The following KIF13B variants were observed in gnomAD, a reference collection of about 807,000 sequenced individuals.
KIF13B encodes kinesin-like protein KIF13B.
A neutral mutation model predicts 222.0 loss-of-function variants in KIF13B; 127 were observed. The observed-to-expected ratio is 0.57, with a 90% confidence interval of 0.50 to 0.66. The LOEUF (loss-of-function observed/expected upper bound fraction) is 0.66, where lower values mean the gene tolerates loss of function less well. KIF13B is among the 30% of genes least tolerant of loss of function. KIF13B has a pLI of 0.00. For synonymous variants in KIF13B, 976 were observed against 919.0 expected (o/e 1.06, Z -1.12); for missense variants, 2,173 against 2,379.0 (o/e 0.91, Z 1.80).
intron 10 of KIF13B, among the ~76,000 whole-genome samples, chr8:29,168,915 A>G (rs1281690964): frequency 6.6e-6 from 1 of 152,208 alleles, no homozygotes; most frequent in Admixed American, 6.5e-5. Flanking sequence ...ATATATTAGG[A>G]TACCAACCCA....
chr8:29,154,894 TAAA>T (rs1811449826), intron 14 of KIF13B, among the ~76,000 whole-genome samples: 2 of 152,220 alleles, frequency 1.3e-5, no homozygotes, highest in Non-Finnish European at 2.9e-5. Context: ...ACTTTATGGA[TAAA>T]ATCAGTGATA....
chr8:29,187,631 C>T (rs1355986635), intron 5 of KIF13B, among the ~76,000 whole-genome samples: 1 of 152,236 alleles, frequency 6.6e-6, no homozygotes, highest in East Asian at 1.9e-4. Context: ...CATAGTCCTA[C>T]TGCCCGAAAA....
At chr8:29,128,415 C>T (rs1317894746) in intron 24 of KIF13B, among the ~76,000 whole-genome samples, 1 of 152,198 alleles carries the variant, frequency 6.6e-6, no homozygotes, top group Non-Finnish European at 1.5e-5. Context: ...GGAAAATCAG[C>T]TCAGGCAACC....
chr8:29,252,318 A>C (rs1816315253), intron 1 of KIF13B, among the ~76,000 whole-genome samples: 1 of 152,226 alleles, frequency 6.6e-6, no homozygotes, highest in South Asian at 2.1e-4. Context: ...ATCATAGTAA[A>C]ACACGGGCAG....
chr8:29,248,539 G>A (rs1206280360), intron 1 of KIF13B, among the ~76,000 whole-genome samples: 3 of 152,176 alleles, frequency 2.0e-5, no homozygotes, highest in Admixed American at 6.5e-5. Context: ...ACAGCCAAGC[G>A]AACAGGGTTT....
At chr8:29,196,755 G>C (rs551071646) in intron 2 of KIF13B, among the ~76,000 whole-genome samples, 44 of 152,212 alleles carry the variant, frequency 2.9e-4, no homozygotes, top group African/African-American at 9.4e-4. Context: ...TTTGGGTTTC[G>C]TATTTTTTCT....
intron 37 of KIF13B, among the ~76,000 whole-genome samples, chr8:29,077,823 ACTGCACCAGGTC>A (rs1204181278): frequency 6.6e-6 from 1 of 152,170 alleles, no homozygotes; most frequent in Non-Finnish European, 1.5e-5. Flanking sequence ...CTCAACAGAG[ACTGCACCAGGTC>A]CTACCATGCG....
At chr8:29,082,928 C>T (rs1807876418) in intron 37 of KIF13B, among the ~76,000 whole-genome samples, 1 of 152,154 alleles carries the variant, frequency 6.6e-6, no homozygotes, top group Admixed American at 6.5e-5. Context: ...AATTCAAGAC[C>T]AGCCGGTGTG....
At chr8:29,116,430 CT>C (rs1424936033) in intron 31 of KIF13B, among the ~76,000 whole-genome samples, 3 of 152,012 alleles carry the variant, frequency 2.0e-5, no homozygotes, top group Non-Finnish European at 2.9e-5. Context: ...GATCGCATCA[CT>C]GTACTCCAGC....
intron 35 of KIF13B, among the ~76,000 whole-genome samples, chr8:29,105,650 GTTTTTTTTTT>G (rs869030059): frequency 1.4e-4 from 11 of 78,058 alleles, no homozygotes; most frequent in African/African-American, 5.6e-5. Flanking sequence ...AGTTTGTTTG[GTTTTTTTTTT>G]TTTTTTTTTT....
At chr8:29,160,237 T>C (rs1016431521) in intron 13 of KIF13B, among the ~76,000 whole-genome samples, 2 of 152,252 alleles carry the variant, frequency 1.3e-5, no homozygotes, top group African/African-American at 4.8e-5. Flanking sequence ...AAATAACCTA[T>C]ACTCTCTCTC....
chr8:29,244,642 C>T (rs972862530), intron 2 of KIF13B, among the ~76,000 whole-genome samples: 3 of 152,206 alleles, frequency 2.0e-5, no homozygotes, highest in Non-Finnish European at 4.4e-5. Flanking sequence ...TCCTCATCTG[C>T]TTTCCAGGTC....
At position 29,147,496 on chromosome 8, in the gene KIF13B, G is replaced by A; in HGVS notation, c.1920C>T (p.Leu640=). Residue 640 remains leucine, a synonymous_variant, in exon 17 of 40, where the codon CTC becomes CTT. Transcript: ENST00000524189. ...RLMYEHELEQ[L]RRRLSPEKQN... ...GCTTCTCAGGAGACAGCCTTCTCCG[G>A]AGCTGCTCCAATTCGTGCTCATACA... The A allele has an allele frequency of 6.2e-7, 1 of 1,613,650 alleles. No individual in the cohort carries two copies. Among genetic ancestry groups the A allele is most frequent in the Non-Finnish European group, 8.5e-7 (1 of 1,179,792 alleles).
intron 13 of KIF13B, among the ~76,000 whole-genome samples, chr8:29,156,753 T>C (rs1255668347): frequency 6.6e-6 from 1 of 151,268 alleles, no homozygotes; most frequent in Non-Finnish European, 1.5e-5. Context: ...ACTCCTGGGC[T>C]CAAGCAATCC....
At position 29,142,305 on chromosome 8, in the gene KIF13B, T is replaced by G; in HGVS notation, c.2188-2A>C. The G allele has an allele frequency of 6.2e-7, 1 of 1,610,018 alleles. No individual in the cohort carries two copies. Among genetic ancestry groups the G allele is most frequent in the Non-Finnish European group, 8.5e-7 (1 of 1,177,946 alleles). On this transcript the variant is annotated splice_acceptor_variant, in intron 18 of 39. Coordinates refer to ENST00000524189, the MANE Select transcript of KIF13B (RefSeq NM_015254.4). LOFTEE classifies it high-confidence loss of function. ...AGGCTCACTAAGAAGAGAGCCTCGC[T>G]GCAAAGAGAGTAAGAATGACCGTGA...
chr8:29,175,284 G>A (rs1812427023), intron 10 of KIF13B, among the ~76,000 whole-genome samples: 1 of 152,090 alleles, frequency 6.6e-6, no homozygotes, highest in Non-Finnish European at 1.5e-5. Context: ...AGAGGAAGCT[G>A]GAAATAAGTC....
chr8:29,141,409 A>C (rs1458657379), intron 19 of KIF13B, among the ~76,000 whole-genome samples: 2 of 152,204 alleles, frequency 1.3e-5, no homozygotes, highest in African/African-American at 4.8e-5. Context: ...CTAAGTTGAA[A>C]TAGGAGAGGG....
chr8:29,116,423 C>T (rs553776690), intron 31 of KIF13B, among the ~76,000 whole-genome samples: 5 of 151,946 alleles, frequency 3.3e-5, no homozygotes, highest in South Asian at 2.1e-4. Context: ...GAGCTATGAT[C>T]GCATCACTGT....
chr8:29,169,404 C>T (rs1217534056), intron 10 of KIF13B, among the ~76,000 whole-genome samples: 1 of 152,198 alleles, frequency 6.6e-6, no homozygotes, highest in Non-Finnish European at 1.5e-5. Context: ...CCACAATACA[C>T]ATTTGGTAAC....
Sources: allele counts gnomAD v4.1 joint callset (sites outside exome capture counted in the v4.1 genomes callset), GRCh38; gene constraint gnomAD v4.1.1; transcripts MANE v1.5; gene names NCBI Gene and HGNC (gene_info 2026-07-23, HGNC 2026-07-21).